The following BRAF variants were observed in gnomAD, a reference collection of about 807,000 sequenced individuals.
BRAF encodes serine/threonine-protein kinase B-raf.
In BRAF, 16 loss-of-function variants were observed where a neutral mutation model predicts 104.6. That is an observed-to-expected ratio of 0.15 (90% confidence interval 0.10 to 0.23). The LOEUF (loss-of-function observed/expected upper bound fraction) is 0.23. Ranked by LOEUF, BRAF falls within the 10% of genes least tolerant of loss-of-function variation. BRAF has a pLI of 1.00. For missense variants in BRAF, 541 were observed against 937.3 expected, an observed-to-expected ratio of 0.58 and a Z score of 5.52; for synonymous variants, 310 against 341.6, an observed-to-expected ratio of 0.91 and a Z score of 1.02.
chr7:140,798,286 G>A (rs1372338704), intron 7 of BRAF, among the ~76,000 whole-genome samples: 75 of 1,506 alleles, frequency 0.05, no homozygotes, highest in East Asian at 0.41. Context: ...TTTTTGAGAC[G>A]GAGTCTTGCT....
At chr7:140,754,679 C>T (rs924479212) in intron 14 of BRAF, among the ~76,000 whole-genome samples, 3 of 152,192 alleles carry the variant, frequency 2.0e-5, no homozygotes, top group Non-Finnish European at 2.9e-5. Flanking sequence ...CTGAGTGAAG[C>T]TTTCCCATGA....
intron 1 of BRAF, among the ~76,000 whole-genome samples, chr7:140,876,284 ATC>A (rs1812260370): frequency 6.6e-6 from 1 of 152,206 alleles, no homozygotes; most frequent in Non-Finnish European, 1.5e-5. Context: ...TTATAATGTA[ATC>A]TCTGGAGTGA....
Position 140,734,786 on chromosome 7 carries a change from G to GAAAAAAAAAAGAAAAAAA in BRAF, c.2248-34_2248-17dup. On this transcript the variant is annotated splice_polypyrimidine_tract_variant and intron_variant, in intron 18 of 19. Transcript: ENST00000644969. ...AGGCGAGAATCTACAAAAAAAAAAA[G>GAAAAAAAAAAGAAAAAAA]AAAAAAAAAAGAAAAAAAAAGAAAA... is the stretch of plus-strand genomic sequence containing the variant. The GAAAAAAAAAAGAAAAAAA allele has an allele frequency of 1.2e-6, 1 of 821,498 alleles. No homozygotes were observed. The highest frequency in any genetic ancestry group is 3.2e-5 in the South Asian group (1 of 31,560). 50.9% of individuals were successfully genotyped at this position (821,498 alleles called of 1,614,324 possible).
At chr7:140,902,377 C>G (rs1815749707) in intron 1 of BRAF, among the ~76,000 whole-genome samples, 1 of 152,180 alleles carries the variant, frequency 6.6e-6, no homozygotes, top group Admixed American at 6.5e-5. Context: ...ACTGCCCTAA[C>G]CCCTTCTTGG....
chr7:140,891,402 T>C (rs1250585490), intron 1 of BRAF, among the ~76,000 whole-genome samples: 1 of 152,232 alleles, frequency 6.6e-6, no homozygotes, highest in Non-Finnish European at 1.5e-5. Context: ...TAACTTACTT[T>C]CCATATACTT....
intron 1 of BRAF, among the ~76,000 whole-genome samples, chr7:140,858,646 T>C (rs1195625937): frequency 6.6e-6 from 1 of 152,156 alleles, no homozygotes; most frequent in Admixed American, 6.5e-5. Flanking sequence ...AGAGACATTC[T>C]TGGGACAACC....
At chr7:140,739,162 C>A (rs1204501371) in intron 18 of BRAF, among the ~76,000 whole-genome samples, 2 of 151,820 alleles carry the variant, frequency 1.3e-5, no homozygotes, top group African/African-American at 4.8e-5. Flanking sequence ...GGTCCGTGGA[C>A]CACCAGGGGA....
At chr7:140,863,615 T>C (rs1810637507) in intron 1 of BRAF, among the ~76,000 whole-genome samples, 1 of 152,220 alleles carries the variant, frequency 6.6e-6, no homozygotes, top group Non-Finnish European at 1.5e-5. Flanking sequence ...GGGGCCTGGT[T>C]GGAGGTGACT....
At chr7:140,811,117 C>T (rs949917467) in intron 3 of BRAF, among the ~76,000 whole-genome samples, 6 of 152,154 alleles carry the variant, frequency 3.9e-5, no homozygotes, top group African/African-American at 1.4e-4. Context: ...AATGAATCAA[C>T]AATATGTCTT....
intron 3 of BRAF, among the ~76,000 whole-genome samples, chr7:140,809,346 G>C (rs1416510194): frequency 6.6e-6 from 1 of 152,140 alleles, no homozygotes; most frequent in Non-Finnish European, 1.5e-5. Context: ...AATCAATTTT[G>C]ATCCAATACT....
At chr7:140,763,774 A>G (rs1451387670) in intron 14 of BRAF, among the ~76,000 whole-genome samples, 1 of 152,234 alleles carries the variant, frequency 6.6e-6, no homozygotes, top group South Asian at 2.1e-4. Context: ...GAATAGACCA[A>G]TAACAGGATC....
chr7:140,916,901 T>C (rs1234810732), intron 1 of BRAF, among the ~76,000 whole-genome samples: 3 of 152,180 alleles, frequency 2.0e-5, no homozygotes, highest in Admixed American at 6.5e-5. Flanking sequence ...AATTTAACTA[T>C]AAAGCTATCA....
At chr7:140,837,938 T>C (rs1807519593) in intron 2 of BRAF, among the ~76,000 whole-genome samples, 1 of 152,216 alleles carries the variant, frequency 6.6e-6, no homozygotes, top group Non-Finnish European at 1.5e-5. Context: ...ATATTGGGTG[T>C]TTAGGGCCTT....
At chr7:140,893,258 T>G (rs1311361775) in intron 1 of BRAF, among the ~76,000 whole-genome samples, 1 of 151,874 alleles carries the variant, frequency 6.6e-6, no homozygotes, top group Non-Finnish European at 1.5e-5. Flanking sequence ...CATTCTTTTT[T>G]TTTTTTTTTG....
At chr7:140,825,085 T>C (rs1325269810) in intron 3 of BRAF, among the ~76,000 whole-genome samples, 1 of 151,340 alleles carries the variant, frequency 6.6e-6, no homozygotes, top group Non-Finnish European at 1.5e-5. Context: ...ATTTTCTGCC[T>C]CAGCCTCCCG....
chr7:140,768,234 T>G (rs1297437224), intron 14 of BRAF, among the ~76,000 whole-genome samples: 2 of 144,942 alleles, frequency 1.4e-5, no homozygotes, highest in Non-Finnish European at 3.0e-5. Flanking sequence ...CTATAATGAT[T>G]ACATATTTCC....
At chr7:140,851,693 A>G (rs577102257) in intron 1 of BRAF, among the ~76,000 whole-genome samples, 5 of 152,292 alleles carry the variant, frequency 3.3e-5, no homozygotes, top group South Asian at 2.1e-4. Context: ...TCAAGTCCCT[A>G]TCTGCAGGGT....
Position 140,724,541 on chromosome 7 carries a change from A to G in BRAF, c.*1953T>C. The G allele has an allele frequency of 3.8e-6, 4 of 1,044,226 alleles. No homozygotes were observed. The highest frequency in any genetic ancestry group is 4.6e-6 in the Non-Finnish European group (4 of 865,990). The allele number at this position is 1,044,226 out of a possible 1,614,324, so 64.7% of individuals were successfully genotyped here. On this transcript the variant is annotated 3_prime_UTR_variant, in exon 20 of 20. Coordinates refer to ENST00000644969, the MANE Select transcript of BRAF (RefSeq NM_001374258.1). The stretch of plus-strand genomic sequence containing the variant: ...AACAAATTTGCTTTTCAAACTGATT[A>G]ATAACTTAAGGATCTTTTCCATTTT...
intron 2 of BRAF, among the ~76,000 whole-genome samples, chr7:140,840,793 C>T (rs892737816): frequency 1.4e-4 from 21 of 151,090 alleles, no homozygotes; most frequent in Non-Finnish European, 7.4e-5. Context: ...TGGCTCACTG[C>T]AACTTCCGCC....
Sources: gnomAD v4.1 joint callset for allele counts (sites outside exome capture counted in the v4.1 genomes callset) on GRCh38, gnomAD v4.1.1 for gene constraint, MANE v1.5 for transcripts, NCBI Gene and HGNC (gene_info 2026-07-23, HGNC 2026-07-21) for gene names.